The following ME1 variants were observed in gnomAD, a reference collection of about 807,000 sequenced individuals.
ME1 encodes the protein malic enzyme 1.
ME1 carries 74 observed loss-of-function variants against 66.4 expected under a neutral mutation model. That is an observed-to-expected ratio of 1.11 (90% CI 0.92 to 1.35). The LOEUF is 1.35. Ranked by LOEUF, ME1 falls within the 40% of genes most tolerant of loss-of-function variation. The pLI is 0.00. For synonymous variants in ME1, 251 were observed against 235.6 expected (o/e 1.07, Z -0.60); for missense variants, 750 against 694.1 (o/e 1.08, Z -0.90).
intron 3 of ME1, among the ~76,000 whole-genome samples, chr6:83,369,584 C>T (rs1464267303): frequency 2.6e-5 from 4 of 151,518 alleles, no homozygotes; most frequent in African/African-American, 9.7e-5. Flanking sequence ...CATGATCATG[C>T]CACTGCACTC....
intron 4 of ME1, among the ~76,000 whole-genome samples, chr6:83,349,015 A>AAAC (rs746037012): frequency 0.014 from 1,711 of 123,756 alleles, 148 homozygotes; most frequent in East Asian, 0.061. Flanking sequence ...AAAACAAAAA[A>AAAC]CAGTGCATTC....
At chr6:83,401,477 G>A (rs1359845324) in intron 2 of ME1, among the ~76,000 whole-genome samples, 2 of 152,084 alleles carry the variant, frequency 1.3e-5, no homozygotes, top group Admixed American at 6.5e-5. Context: ...AATATATGAA[G>A]GTCACCAGCT....
At chr6:83,316,776 G>A (rs142908480) in intron 5 of ME1, among the ~76,000 whole-genome samples, 61 of 151,996 alleles carry the variant, frequency 4.0e-4, no homozygotes, top group African/African-American at 1.4e-3. Context: ...CTATACACTT[G>A]CAATGGACAG....
intron 9 of ME1, among the ~76,000 whole-genome samples, chr6:83,234,124 C>T (rs192165144): frequency 1.0e-3 from 157 of 152,256 alleles, no homozygotes; most frequent in South Asian, 1.7e-3. Flanking sequence ...GGAATCTCAG[C>T]TCAGTAAATG....
At chr6:83,233,528 T>G (rs900412021) in intron 9 of ME1, among the ~76,000 whole-genome samples, 1 of 151,992 alleles carries the variant, frequency 6.6e-6, no homozygotes, top group Non-Finnish European at 1.5e-5. Context: ...ATGTTGAAAG[T>G]TGAAAGAGAA....
intron 4 of ME1, among the ~76,000 whole-genome samples, 157 bp downstream of exon 4, chr6:83,351,907 A>T (rs1426992488): frequency 2.6e-5 from 4 of 152,190 alleles, no homozygotes; most frequent in Non-Finnish European, 5.9e-5. Context: ...AAATTAACCC[A>T]CTATGTAAAA....
At chr6:83,212,688 C>T (rs534536630) in intron 13 of ME1, among the ~76,000 whole-genome samples, 57 of 149,918 alleles carry the variant, frequency 3.8e-4, no homozygotes, top group African/African-American at 1.1e-3. Context: ...CATCCTAGAA[C>T]GATGCAGTAA....
At chr6:83,264,274 T>C (rs1301107314) in intron 6 of ME1, among the ~76,000 whole-genome samples, 1 of 152,202 alleles carries the variant, frequency 6.6e-6, no homozygotes, top group Non-Finnish European at 1.5e-5. Flanking sequence ...AAAAATTAGA[T>C]TCCTTTCAAA....
At position 83,349,165 on chromosome 6, in the gene ME1, G is replaced by A. The variant is rs1352308648; in HGVS notation, c.439-2831C>T. Among the ~76,000 whole-genome samples, 5 of 151,674 alleles carry A rather than the reference G, an allele frequency of 3.3e-5. No homozygotes were observed. The East Asian group carries it at 9.7e-4, about 29-fold the overall frequency. Reference sequence around the variant, plus strand: ...TTTTAAAATATGTTTTGAGACATTTGATATTTATGCTTTATTACAAACGTA... The same window carrying A: ...TTTTAAAATATGTTTTGAGACATTTAATATTTATGCTTTATTACAAACGTA... On this transcript the variant is annotated intron_variant, in intron 4 of 13. Coordinates refer to ENST00000369705, the MANE Select transcript of ME1 (RefSeq NM_002395.6).
At chr6:83,397,676 T>C (rs1349039845) in intron 3 of ME1, among the ~76,000 whole-genome samples, 1 of 152,116 alleles carries the variant, frequency 6.6e-6, no homozygotes, top group African/African-American at 2.4e-5. Context: ...CTGCACTCAC[T>C]CCCATGTTCA....
chr6:83,235,015 CTATCAAGATCTCT>C (rs1423236828), intron 9 of ME1, among the ~76,000 whole-genome samples: 5 of 152,178 alleles, frequency 3.3e-5, no homozygotes, highest in Admixed American at 1.3e-4. Flanking sequence ...TCTTTAGCTT[CTATCAAGATCTCT>C]CAGTGAACTT....
At chr6:83,428,063 T>C (rs188090633) in intron 1 of ME1, among the ~76,000 whole-genome samples, 1 of 151,114 alleles carries the variant, frequency 6.6e-6, no homozygotes, top group East Asian at 1.9e-4. Flanking sequence ...CAAAATTATA[T>C]AGTACAACTG....
At chr6:83,249,991 T>C (rs892013343) in intron 7 of ME1, among the ~76,000 whole-genome samples, 2 of 152,308 alleles carry the variant, frequency 1.3e-5, no homozygotes, top group East Asian at 3.9e-4. Flanking sequence ...ATATCTAACA[T>C]AGATGAATCC....
intron 1 of ME1, among the ~76,000 whole-genome samples, chr6:83,415,690 C>T (rs1770145744): frequency 6.6e-6 from 1 of 152,138 alleles, no homozygotes; most frequent in Admixed American, 6.5e-5. Context: ...ATTAAGCTTT[C>T]CACATATACC....
At chr6:83,383,360 AG>A (rs2128548843) in intron 3 of ME1, among the ~76,000 whole-genome samples, 1 of 152,084 alleles carries the variant, frequency 6.6e-6, no homozygotes, top group South Asian at 2.1e-4. Context: ...TACATATCAC[AG>A]CTCAACTATT....
At chr6:83,311,014 G>C (rs559211006) in intron 6 of ME1, among the ~76,000 whole-genome samples, 1 of 152,256 alleles carries the variant, frequency 6.6e-6, no homozygotes, top group East Asian at 1.9e-4. Context: ...TGAATCCCCA[G>C]ATTCCCCCAG....
chr6:83,414,025 C>G (rs557100913), intron 1 of ME1, among the ~76,000 whole-genome samples: 1 of 145,292 alleles, frequency 6.9e-6, no homozygotes, highest in African/African-American at 2.5e-5. Context: ...GTGGGAAGAT[C>G]ATTTGATCCT....
chr6:83,360,141 T>C (rs1028031925), intron 3 of ME1, among the ~76,000 whole-genome samples: 1 of 152,148 alleles, frequency 6.6e-6, no homozygotes, highest in Non-Finnish European at 1.5e-5. Flanking sequence ...TTTCCAGACT[T>C]GAGCCAGTTT....
At chr6:83,417,582 T>C (rs1770187044) in intron 1 of ME1, among the ~76,000 whole-genome samples, 1 of 151,908 alleles carries the variant, frequency 6.6e-6, no homozygotes. Flanking sequence ...GGTTTCACCA[T>C]GTTGGCCAGG....
Sources: gnomAD v4.1 joint callset for allele counts (sites outside exome capture counted in the v4.1 genomes callset) on GRCh38, gnomAD v4.1.1 for gene constraint, MANE v1.5 for transcripts, NCBI Gene and HGNC (gene_info 2026-07-23, HGNC 2026-07-21) for gene names.